RPS6KA2: variants seen among roughly 807,000 people sequenced by gnomAD.
RPS6KA2 encodes the protein ribosomal protein S6 kinase alpha-2.
RPS6KA2 carries 42 observed loss-of-function variants against 91.8 expected under a neutral mutation model. The ratio of observed to expected loss-of-function variants is 0.46; its 90% CI spans 0.36 to 0.59. The LOEUF (loss-of-function observed/expected upper bound fraction) is 0.59. RPS6KA2 is among the 20% of genes least tolerant of loss of function. RPS6KA2 has a pLI of 0.00. For synonymous variants in RPS6KA2, 414 were observed against 393.6 expected, an observed-to-expected ratio of 1.05 and a Z score of -0.61; for missense variants, 798 against 978.5, an observed-to-expected ratio of 0.82 and a Z score of 2.46.
intron 1 of RPS6KA2, chr6:166,586,143 C>T (rs1033429630): frequency 4.4e-5 from 67 of 1,529,442 alleles, no homozygotes; most frequent in South Asian, 2.3e-4. Context: ...GTAAGGAGGC[C>T]GCTGGTTGTA....
intron 5 of RPS6KA2, among the ~76,000 whole-genome samples, chr6:166,504,883 C>T (rs748444799): frequency 3.3e-5 from 5 of 152,132 alleles, no homozygotes; most frequent in Non-Finnish European, 5.9e-5. Context: ...TCAGCCTCTC[C>T]TCTCTGTGTC....
At chr6:166,475,797 A>G (rs541612924) in intron 10 of RPS6KA2, 1 of 533,112 alleles carries the variant, frequency 1.9e-6, no homozygotes, top group South Asian at 1.4e-5. Context: ...GAAGCCTAGG[A>G]GCCTGGAGCA....
chr6:166,858,060 A>T, intron 2 of RPS6KA2: 1 of 687,428 alleles, frequency 1.5e-6, no homozygotes. Context: ...ACGTTTGTGC[A>T]TGTGTATGTA....
chr6:166,680,823 C>T lies in RPS6KA2; in HGVS notation c.124-142039G>A, dbSNP rs528445725. On this transcript the variant is annotated intron_variant, in intron 2 of 21. Transcript: ENST00000503859. ...GCTTCATTCTTGAAGTCAGGGAGAC[C>T]GAGAACCCACCAATTCTGGACACAA... Among the ~76,000 whole-genome samples the T allele has an allele frequency of 1.1e-4, 17 of 152,254 alleles. No homozygotes were observed. The East Asian group carries it at 1.9e-3, about 17-fold the overall frequency.
At chr6:166,744,864 G>GA (rs1188927362) in intron 2 of RPS6KA2, among the ~76,000 whole-genome samples, 12 of 152,208 alleles carry the variant, frequency 7.9e-5, no homozygotes, top group Admixed American at 6.5e-5. Context: ...AAGCTTAGGG[G>GA]GCCTGGGCCT....
At chr6:166,621,577 C>A (rs1490017629) in intron 1 of RPS6KA2, among the ~76,000 whole-genome samples, 1 of 152,200 alleles carries the variant, frequency 6.6e-6, no homozygotes, top group Non-Finnish European at 1.5e-5. Context: ...AAATGCAACA[C>A]AACCTAATTC....
chr6:166,560,575 AG>A (rs1784313688), intron 1 of RPS6KA2, among the ~76,000 whole-genome samples: 1 of 152,204 alleles, frequency 6.6e-6, no homozygotes, highest in African/African-American at 2.4e-5. Flanking sequence ...GGGGCTTCTG[AG>A]GAAGGAAAAT....
At chr6:166,474,130 C>A (rs1205185528) in intron 10 of RPS6KA2, among the ~76,000 whole-genome samples, 2 of 152,030 alleles carry the variant, frequency 1.3e-5, no homozygotes, top group African/African-American at 2.4e-5. Context: ...TAGCGGCTCC[C>A]TAGGGCTGGT....
intron 2 of RPS6KA2, among the ~76,000 whole-genome samples, chr6:166,857,498 A>G (rs1583184372): frequency 3.3e-5 from 5 of 152,020 alleles, no homozygotes; most frequent in Admixed American, 3.3e-4. Flanking sequence ...CGTTACCAAA[A>G]TCTCCCCTGA....
At position 166,508,187 on chromosome 6, in the gene RPS6KA2, T is replaced by A; in HGVS notation, c.459+16A>T. On this transcript the variant is annotated intron_variant, in intron 5 of 20. Transcript: ENST00000265678. The surrounding 1 kb of genome is among the most constrained non-coding windows in gnomAD (Gnocchi z 4.3). ...AGCTCCTGCCCGCCCTCCTGTGTGA[T>A]GTGGCGGCTGCTCACCTCTTTGGAG... 6.3e-7 allele frequency: 1 copy of A among 1,575,244 alleles called. No individual in the cohort carries two copies. The highest frequency in any genetic ancestry group is 8.7e-7 in the Non-Finnish European group (1 of 1,146,102).
intron 2 of RPS6KA2, chr6:166,702,271 T>A (rs533143853): frequency 2.0e-5 from 32 of 1,613,322 alleles, no homozygotes; most frequent in Middle Eastern, 3.3e-4. Context: ...TGGACACGGA[T>A]CCTGGAGACC....
At position 166,635,114 on chromosome 6, in the gene RPS6KA2, G is replaced by A. The variant is rs1185687756; in HGVS notation, c.124-96330C>T. Among the ~76,000 whole-genome samples the A allele has an allele frequency of 1.3e-5, 2 of 152,150 alleles. No homozygotes were observed. Among genetic ancestry groups the A allele is most frequent in the East Asian group, 1.9e-4 (1 of 5,196 alleles). On this transcript the variant is annotated intron_variant, in intron 2 of 21. Coordinates refer to the RPS6KA2 transcript ENST00000503859. This position sits in a 1 kb window ranked among gnomAD's most constrained non-coding sequence, Gnocchi z 4.8. Reference sequence around the variant, plus strand: ...GTAGTACGTGAAAGTGACCGTGTGGGGCATACTTGGTTGTATTCATGTTTG... The same window carrying A: ...GTAGTACGTGAAAGTGACCGTGTGGAGCATACTTGGTTGTATTCATGTTTG...
intron 2 of RPS6KA2, among the ~76,000 whole-genome samples, chr6:166,835,880 T>C (rs1780305015): frequency 6.6e-6 from 1 of 152,234 alleles, no homozygotes; most frequent in Admixed American, 6.5e-5. Flanking sequence ...AAGCACTGTA[T>C]CATATTGAGG....
At chr6:166,601,471 G>A (rs1387037375) in intron 1 of RPS6KA2, among the ~76,000 whole-genome samples, 3 of 152,196 alleles carry the variant, frequency 2.0e-5, no homozygotes, top group African/African-American at 7.2e-5. Flanking sequence ...GAGAAAACCC[G>A]ATAAGATAAA....
chr6:166,468,871 A>AAAAAAT, intron 11 of RPS6KA2, among the ~76,000 whole-genome samples: 1 of 151,610 alleles, frequency 6.6e-6, no homozygotes, highest in African/African-American at 2.4e-5. Context: ...AAAAAAAAAA[A>AAAAAAT]AAGAAGACAG....
At chr6:166,764,173 T>C (rs1778244866) in intron 2 of RPS6KA2, among the ~76,000 whole-genome samples, 1 of 151,094 alleles carries the variant, frequency 6.6e-6, no homozygotes, top group South Asian at 2.1e-4. Flanking sequence ...AGTGAGAGGG[T>C]GAGAGAAATG....
At chr6:166,761,867 C>T (rs1018335942) in intron 2 of RPS6KA2, among the ~76,000 whole-genome samples, 4 of 152,152 alleles carry the variant, frequency 2.6e-5, no homozygotes, top group Non-Finnish European at 5.9e-5. Flanking sequence ...TTTGAGGCAG[C>T]GTTGAAGGCG....
chr6:166,582,817 A>G (rs1785062665), intron 1 of RPS6KA2, among the ~76,000 whole-genome samples: 1 of 152,230 alleles, frequency 6.6e-6, no homozygotes, highest in African/African-American at 2.4e-5. Context: ...AGGAAGAAAA[A>G]ACAAAACACA....
chr6:166,784,947 T>C (rs1778891581), intron 2 of RPS6KA2, among the ~76,000 whole-genome samples: 1 of 152,222 alleles, frequency 6.6e-6, no homozygotes, highest in Non-Finnish European at 1.5e-5. Context: ...CGGGCTGAGC[T>C]GGGGCTGGGA....
Sources: allele counts gnomAD v4.1 joint callset (sites outside exome capture counted in the v4.1 genomes callset), GRCh38; gene constraint gnomAD v4.1.1; non-coding constraint Gnocchi (gnomAD v3.1); transcripts MANE v1.5; gene names NCBI Gene and HGNC (gene_info 2026-07-23, HGNC 2026-07-21).